CEP41: variants seen among roughly 807,000 people sequenced by gnomAD.
The protein encoded by CEP41 is centrosomal protein of 41 kDa.
CEP41 carries 32 observed loss-of-function variants against 44.3 expected under a neutral mutation model. The ratio of observed to expected loss-of-function variants is 0.72; its 90% CI spans 0.54 to 0.97. CEP41 has a LOEUF of 0.97. CEP41 is among the 50% of genes least tolerant of loss of function. The probability of loss-of-function intolerance (pLI) is 0.00; values close to 1 mark genes in which losing one functional copy is unlikely to be tolerated. For synonymous variants in CEP41, 151 were observed against 168.5 expected (o/e 0.90, Z 0.80); for missense variants, 432 against 455.2 (o/e 0.95, Z 0.46).
chr7:130,416,984 G>A lies in CEP41; in HGVS notation c.98-18C>T. ...ACTGTTACCTAAAAAGAAAATAAGG[G>A]GTTTTAGATATACTTTAAATGGAAG... On this transcript the variant is annotated intron_variant, in intron 2 of 10. Transcript: ENST00000223208. 6.5e-7 allele frequency: 1 copy of A among 1,533,682 alleles called. No homozygotes were observed. Among genetic ancestry groups the A allele is most frequent in the Non-Finnish European group, 9.0e-7 (1 of 1,107,396 alleles).
At position 130,396,605 on chromosome 7, in the gene CEP41, T is replaced by C. The variant is rs1281897953; in HGVS notation, c.*2286A>G. ...CATCACTGGTCATTTAAATAATACA[T>C]GTCAATTAATCTAATGAAGAAACTG... On this transcript the variant is annotated 3_prime_UTR_variant, in exon 11 of 11. Transcript: ENST00000223208. The C allele has an allele frequency of 6.6e-6, 3 of 454,434 alleles. No individual in the cohort carries two copies. The highest frequency in any genetic ancestry group is 1.3e-5 in the Non-Finnish European group (3 of 226,800). The allele number at this position is 454,434 out of a possible 1,614,324, so 28.2% of individuals were successfully genotyped here. A position where few individuals can be genotyped will look rare whatever the true frequency, so the allele number is the denominator to read the frequency against.
At chr7:130,412,301 G>T in intron 3 of CEP41, 61 bp from the exon 4 acceptor site, 1 of 827,398 alleles carries the variant, frequency 1.2e-6, no homozygotes. Flanking sequence ...ATTCTTTCTA[G>T]TTGTCAAGTG....
intron 1 of CEP41, among the ~76,000 whole-genome samples, chr7:130,430,454 T>C (rs1216158741): frequency 1.3e-5 from 2 of 152,160 alleles, no homozygotes; most frequent in South Asian, 4.1e-4. Flanking sequence ...TAGAAAAAGG[T>C]TGGAAAGCTT....
chr7:130,410,077 GTGCAA>G (rs1299337921), intron 5 of CEP41, among the ~76,000 whole-genome samples: 1 of 148,176 alleles, frequency 6.7e-6, no homozygotes, highest in African/African-American at 2.5e-5. Flanking sequence ...CCAGGCTGGA[GTGCAA>G]TGGCGTAGTC....
intron 1 of CEP41, among the ~76,000 whole-genome samples, chr7:130,435,292 C>T (rs1305886095): frequency 3.9e-5 from 6 of 151,964 alleles, no homozygotes; most frequent in African/African-American, 1.4e-4. Context: ...GAAACAGAAA[C>T]TCCAGGAAAA....
intron 2 of CEP41, among the ~76,000 whole-genome samples, chr7:130,423,299 T>C (rs1418715810): frequency 6.6e-6 from 1 of 152,070 alleles, no homozygotes; most frequent in East Asian, 1.9e-4. Context: ...CCAACATAAA[T>C]ATGGGCAAAT....
Position 130,396,732 on chromosome 7 carries a change from G to C in CEP41, c.*2159C>G. ...GATTAGAACAGCTCTTTTGAGCATG[G>C]TTATTTAAAATCCTTACCAACAGGG... On this transcript the variant is annotated 3_prime_UTR_variant, in exon 11 of 11. Coordinates refer to ENST00000223208, the MANE Select transcript of CEP41 (RefSeq NM_018718.3). The C allele has an allele frequency of 8.8e-6, 4 of 454,402 alleles. No homozygotes were observed. The highest frequency in any genetic ancestry group is 1.3e-5 in the Non-Finnish European group (3 of 226,800). 28.1% of individuals were successfully genotyped at this position (454,402 alleles called of 1,614,324 possible).
intron 2 of CEP41, chr7:130,419,553 A>G (rs1797437808): frequency 1.0e-6 from 1 of 984,510 alleles, no homozygotes; most frequent in Non-Finnish European, 1.2e-6. Context: ...AAAGAAGCCT[A>G]AAAGACTATC....
At chr7:130,435,286 C>G (rs1797929804) in intron 1 of CEP41, among the ~76,000 whole-genome samples, 1 of 151,888 alleles carries the variant, frequency 6.6e-6, no homozygotes, top group Admixed American at 6.6e-5. Context: ...ATAAAGGAAA[C>G]AGAAACTCCA....
At chr7:130,419,669 C>A in intron 2 of CEP41, 1 of 985,308 alleles carries the variant, frequency 1.0e-6, no homozygotes, top group Non-Finnish European at 1.2e-6. Flanking sequence ...GTCAGTGGCT[C>A]CCCATTGCTT....
At chr7:130,419,281 G>T in intron 2 of CEP41, 1 of 985,410 alleles carries the variant, frequency 1.0e-6, no homozygotes, top group Non-Finnish European at 1.2e-6. Flanking sequence ...GAAAAAAGGA[G>T]AATGGAGGAT....
rs1180441406 is a variant in CEP41, at chr7:130,396,006, T to C, written c.*2885A>G. 4.4e-6 allele frequency: 2 copies of C among 453,950 alleles called. No individual in the cohort carries two copies. Among genetic ancestry groups the C allele is most frequent in the Non-Finnish European group, 8.8e-6 (2 of 226,796 alleles). 28.1% of individuals were successfully genotyped at this position (453,950 alleles called of 1,614,324 possible). On this transcript the variant is annotated 3_prime_UTR_variant, in exon 11 of 11. Transcript: ENST00000223208. ...GTTCCTTTTGTTTTCAAATAAGTAA[T>C]GTAGCTTTCTCCTTTCTCTCTCGCT... is the stretch of plus-strand genomic sequence containing the variant.
chr7:130,419,972 C>T, intron 2 of CEP41: 1 of 985,276 alleles, frequency 1.0e-6, no homozygotes. Context: ...CACACACACA[C>T]GTATGAATAA....
intron 5 of CEP41, among the ~76,000 whole-genome samples, chr7:130,406,417 C>T (rs149445855): frequency 0.02 from 3,039 of 152,110 alleles, 37 homozygotes; most frequent in Non-Finnish European, 0.031. Context: ...AACCCCATCT[C>T]TACTAAAAAT....
chr7:130,431,962 TAGG>T (rs1194083012), intron 1 of CEP41, among the ~76,000 whole-genome samples: 1 of 152,056 alleles, frequency 6.6e-6, no homozygotes, highest in African/African-American at 2.4e-5. Flanking sequence ...AACTGGGTGG[TAGG>T]AGGTGCTACT....
chr7:130,415,808 C>T (rs1259103803), intron 3 of CEP41, among the ~76,000 whole-genome samples: 2 of 151,928 alleles, frequency 1.3e-5, no homozygotes, highest in Non-Finnish European at 2.9e-5. Context: ...TGAGTAAATG[C>T]GATCTTTCTC....
At chr7:130,433,412 G>A (rs1389204212) in intron 1 of CEP41, among the ~76,000 whole-genome samples, 2 of 151,990 alleles carry the variant, frequency 1.3e-5, no homozygotes, top group African/African-American at 2.4e-5. Flanking sequence ...TATGGAGAGA[G>A]TGGGAGAGGA....
rs146320074 is a variant in CEP41, at chr7:130,432,423, G to A, written c.34-4405C>T. Among the ~76,000 whole-genome samples the A allele has an allele frequency of 4.7e-3, 721 of 152,140 alleles. 6 individuals carry two copies. Among genetic ancestry groups the A allele is most frequent in the African/African-American group, 0.016 (678 of 41,508 alleles). The stretch of plus-strand genomic sequence containing the variant: ...TAAAAACATAATATGGTCAGTTGGA[G>A]TGTGCTGAGTATGAGATATCTGTGG... On this transcript the variant is annotated intron_variant, in intron 1 of 10. Transcript: ENST00000223208.
At position 130,423,006 on chromosome 7, in the gene CEP41, G is replaced by C. The variant is rs896869222; in HGVS notation, c.97+4949C>G. ...CTGTCACCGAGGCTGGAGTGCAGTA[G>C]CGCCTTCTTGGCTCACTGCAGCCCC... is the stretch of plus-strand genomic sequence containing the variant. On this transcript the variant is annotated intron_variant, in intron 2 of 10. Transcript: ENST00000223208. Among the ~76,000 whole-genome samples, 2 of 152,204 alleles carry C rather than the reference G, an allele frequency of 1.3e-5. 1 individual carries two copies. Among genetic ancestry groups the C allele is most frequent in the Admixed American group, 1.3e-4 (2 of 15,284 alleles).
Sources: gnomAD v4.1 joint callset for allele counts (sites outside exome capture counted in the v4.1 genomes callset) on GRCh38, gnomAD v4.1.1 for gene constraint, MANE v1.5 for transcripts, NCBI Gene and HGNC (gene_info 2026-07-23, HGNC 2026-07-21) for gene names.